LACC1: variants seen among roughly 807,000 people sequenced by gnomAD.
LACC1 encodes laccase domain multifunctional purine nucleosidase 1, also known as purine nucleoside phosphorylase LACC1.
A neutral mutation model predicts 34.8 loss-of-function variants in LACC1; 25 were observed. The observed-to-expected ratio is 0.72, with a 90% CI of 0.52 to 1.00. The LOEUF is 1.00. Ranked by LOEUF, LACC1 falls within the 50% of genes least tolerant of loss-of-function variation. The probability of loss-of-function intolerance (pLI) is 0.00; values close to 1 mark genes in which losing one functional copy is unlikely to be tolerated. For synonymous variants in LACC1, 162 were observed against 168.0 expected, an observed-to-expected ratio of 0.96 and a Z score of 0.28; for missense variants, 426 against 511.2, an observed-to-expected ratio of 0.83 and a Z score of 1.61.
intron 2 of LACC1, among the ~76,000 whole-genome samples, chr13:43,881,834 A>T (rs1266912602): frequency 6.6e-6 from 1 of 152,222 alleles, no homozygotes; most frequent in Non-Finnish European, 1.5e-5. Context: ...TGACACTGAA[A>T]ATCTTCTATT....
Position 43,881,086 on chromosome 13 carries a change from A to G in LACC1, c.101A>G (p.His34Arg). 6.2e-7 allele frequency: 1 copy of G among 1,614,188 alleles called. No individual in the cohort carries two copies. The highest frequency in any genetic ancestry group is 2.2e-5 in the East Asian group (1 of 44,876). ...LLKTLNAVQY[H>R]HAAKAKFLCI... is the part of the protein sequence containing the mutation. ...AAGACTTTGAATGCTGTCCAATACC[A>G]CCATGCTGCCAAGGCCAAGTTTCTC... The change falls in exon 2 of 7, where the codon CAC becomes CGC. Residue 34 changes from histidine (H) to arginine (R), a missense_variant. Transcript: ENST00000325686.
rs1428704685 is a variant in LACC1 at position 43,893,033 on chromosome 13, A to G, written c.*1586A>G. The G allele has an allele frequency of 4.6e-5, 7 of 152,224 alleles. No homozygotes were observed. Among genetic ancestry groups the G allele is most frequent in the African/African-American group, 1.7e-4 (7 of 41,462 alleles). 9.4% of individuals were successfully genotyped at this position (152,224 alleles called of 1,614,324 possible). A position where few individuals can be genotyped will look rare whatever the true frequency, so the allele number is the denominator to read the frequency against. On this transcript the variant is annotated 3_prime_UTR_variant, in exon 7 of 7. Transcript: ENST00000325686. ...AGGAAGGGACTTTTTTTGGATGAGC[A>G]GTTTTGAGTGTGTTTGTCAGTTAAA...
At position 43,890,098 on chromosome 13, in the gene LACC1, A is replaced by G; in HGVS notation, c.1134-16A>G. ...AAATAAACTCTTGCTCTCTTTTGAA[A>G]AATATTTTTCCTAAGGATTCTTCTA... On this transcript the variant is annotated splice_polypyrimidine_tract_variant and intron_variant, in intron 5 of 6. Coordinates refer to ENST00000325686, the MANE Select transcript of LACC1 (RefSeq NM_153218.4). 2 of 1,594,432 alleles carry G rather than the reference A, an allele frequency of 1.3e-6. No homozygotes were observed. Among genetic ancestry groups the G allele is most frequent in the African/African-American group, 1.4e-5 (1 of 73,940 alleles).
At position 43,882,322 on chromosome 13, in the gene LACC1, A is replaced by G; in HGVS notation, c.700A>G (p.Asn234Asp). 6.2e-7 allele frequency: 1 copy of G among 1,613,698 alleles called. No homozygotes were observed. The highest frequency in any genetic ancestry group is 8.5e-7 in the Non-Finnish European group (1 of 1,179,864). The part of the protein sequence containing the change: ...VVQENLRRLA[N>D]AAGFNVEKFY... ...TCAAGAAAATCTGCGTAGGTTGGCG[A>G]ATGCTGCAGGATTTAATGTGGAGAA... The change falls in exon 3 of 7, where the codon AAT becomes GAT. Residue 234 changes from asparagine (N) to aspartate (D), a missense_variant. By Grantham distance (23) the Asn-to-Asp change is conservative (BLOSUM62 1). This residue lies in a region of LACC1 where 209 missense variants were observed against 300.3 expected (regional missense o/e 0.70). Transcript: ENST00000325686.
Position 43,888,621 on chromosome 13 carries a change from A to T in LACC1, c.908-136A>T, listed in dbSNP as rs1482287938. The stretch of plus-strand genomic sequence containing the variant: ...GTAGTATGGCTCATTTAAAAACCAC[A>T]TGATAATGTAATTTATTATTTCTGG... On this transcript the variant is annotated intron_variant, in intron 4 of 6. Transcript: ENST00000325686. The T allele has an allele frequency of 2.6e-5, 18 of 685,708 alleles. No homozygotes were observed. The East Asian group carries it at 4.3e-4, about 16-fold the overall frequency. The allele number at this position is 685,708 out of a possible 1,614,324, so 42.5% of individuals were successfully genotyped here.
chr13:43,882,489 T>C, intron 3 of LACC1, 126 bp downstream of exon 3: 1 of 643,148 alleles, frequency 1.6e-6, no homozygotes, highest in East Asian at 3.0e-5. Flanking sequence ...AATAATGCTG[T>C]GGTTGTCTTT....
intron 4 of LACC1, among the ~76,000 whole-genome samples, chr13:43,888,300 A>G (rs626298): frequency 6.1e-4 from 93 of 152,306 alleles, no homozygotes; most frequent in African/African-American, 2.2e-3. Flanking sequence ...GGTAAAAGGA[A>G]GAAACAAGGA....
At position 43,883,914 on chromosome 13, in the gene LACC1, A is replaced by C; in HGVS notation, c.885A>C (p.Lys295Asn). 1 of 1,613,148 alleles carries C rather than the reference A, an allele frequency of 6.2e-7. No homozygotes were observed. Among genetic ancestry groups the C allele is most frequent in the Non-Finnish European group, 8.5e-7 (1 of 1,179,378 alleles). Residue 295 changes from lysine (K) to asparagine (N), a missense_variant, in exon 4 of 7, where the codon AAA (lysine) becomes AAC (asparagine). This residue lies in a region of LACC1 where 209 missense variants were observed against 300.3 expected (regional missense o/e 0.70). Coordinates refer to ENST00000325686, the MANE Select transcript of LACC1 (RefSeq NM_153218.4). Reference sequence around the variant, plus strand: ...TAGTTTTTGCAGATCCAGTCAAAAAAGCATGTGGGGTTGCTCACGCTGGTA... The same window carrying C: ...TAGTTTTTGCAGATCCAGTCAAAAACGCATGTGGGGTTGCTCACGCTGGTA... ...IPIVFADPVK[K>N]ACGVAHAGWK... is the part of the protein sequence containing the mutation.
intron 1 of LACC1, among the ~76,000 whole-genome samples, chr13:43,880,579 A>C (rs534749159): frequency 1.3e-5 from 2 of 152,380 alleles, no homozygotes; most frequent in South Asian, 4.1e-4. Flanking sequence ...GATGAGACCT[A>C]ATATGACAAT....
At chr13:43,888,338 A>G (rs2138351158) in intron 4 of LACC1, among the ~76,000 whole-genome samples, 1 of 152,320 alleles carries the variant, frequency 6.6e-6, no homozygotes, top group South Asian at 2.1e-4. Flanking sequence ...TAGAGTTTCC[A>G]TTTTATCAAA....
At chr13:43,890,383 TA>T (rs201090329) in intron 6 of LACC1, 109 bp downstream of exon 6, 14,870 of 646,508 alleles carry the variant, frequency 0.023, 14 homozygotes, top group South Asian at 0.033. Flanking sequence ...TCCCCTTATT[TA>T]AAAAAAAAAA....
chr13:43,881,869 T>C (rs1020039128), intron 2 of LACC1, among the ~76,000 whole-genome samples: 7 of 152,244 alleles, frequency 4.6e-5, no homozygotes, highest in African/African-American at 1.7e-4. Context: ...TTTCAAATCA[T>C]TGGCACCTTC....
chr13:43,890,339 T>C (rs781014717), intron 6 of LACC1, 65 bp downstream of exon 6: 170 of 1,315,126 alleles, frequency 1.3e-4, no homozygotes, highest in Non-Finnish European at 1.6e-4. Flanking sequence ...CACTTCTCCC[T>C]CCCTTTCTCT....
At position 43,883,781 on chromosome 13, in the gene LACC1, C is replaced by G; in HGVS notation, c.752C>G (p.Ser251Cys). 1 of 1,609,566 alleles carries G rather than the reference C, an allele frequency of 6.2e-7. No individual in the cohort carries two copies. The highest frequency in any genetic ancestry group is 8.5e-7 in the Non-Finnish European group (1 of 1,177,638). The change falls in exon 4 of 7, where the codon TCC (serine) becomes TGC (cysteine). Residue 251 changes from serine to cysteine, a missense_variant. Ser to Cys is a moderately radical substitution (Grantham distance 112, BLOSUM62 -1). Coordinates refer to ENST00000325686, the MANE Select transcript of LACC1 (RefSeq NM_153218.4). Reference sequence around the variant, plus strand: ...CATTTTTGGTATTAGACTCATCATTCCAATGACATCTGGATTATGGGAAGA... The same window carrying G: ...CATTTTTGGTATTAGACTCATCATTGCAATGACATCTGGATTATGGGAAGA... ...EKFYRIKTHHSNDIWIMGRKE... is the reference protein window; with the variant it reads ...EKFYRIKTHHCNDIWIMGRKE...
chr13:43,887,533 A>G (rs906559415), intron 4 of LACC1, among the ~76,000 whole-genome samples: 3 of 152,234 alleles, frequency 2.0e-5, no homozygotes, highest in Non-Finnish European at 4.4e-5. Context: ...CAAGGCAGAT[A>G]AGACAAAGAT....
chr13:43,879,766 AG>A (rs1423244876), upstream of LACC1: 30 of 89,798 alleles, frequency 3.3e-4, 1 homozygote, highest in Non-Finnish European at 4.9e-4. Flanking sequence ...GAGGTGGGCG[AG>A]GGGGGCGAGG....
chr13:43,887,513 CTG>C (rs1046360606), intron 4 of LACC1, among the ~76,000 whole-genome samples: 2 of 152,100 alleles, frequency 1.3e-5, no homozygotes, highest in Admixed American at 6.6e-5. Flanking sequence ...TCTTAGAACA[CTG>C]TAAGATGCAA....
chr13:43,880,972 G>C lies in LACC1; in HGVS notation c.-14G>C. The C allele has an allele frequency of 6.3e-6, 10 of 1,598,210 alleles. No homozygotes were observed. The highest frequency in any genetic ancestry group is 8.5e-6 in the Non-Finnish European group (10 of 1,171,744). ...TGCAGGTGATTTATTTGGCATAAAA[G>C]TATTCTTTCAAGGATGGCAGAAGCT... On this transcript the variant is annotated 5_prime_UTR_variant, in exon 2 of 7. Transcript: ENST00000325686.
chr13:43,884,730 C>T (rs192219409), intron 4 of LACC1, among the ~76,000 whole-genome samples: 1 of 152,128 alleles, frequency 6.6e-6, no homozygotes, highest in African/African-American at 2.4e-5. Context: ...ACTTGTAAAT[C>T]TATGGCTACT....
Sources: allele counts gnomAD v4.1 joint callset (sites outside exome capture counted in the v4.1 genomes callset), GRCh38; gene constraint gnomAD v4.1.1; regional missense constraint gnomAD v4.1.1; transcripts MANE v1.5; gene names NCBI Gene and HGNC (gene_info 2026-07-23, HGNC 2026-07-21).